SLCO2B1: variants seen among roughly 807,000 people sequenced by gnomAD.
The protein encoded by SLCO2B1 is OATP-RP2.
In SLCO2B1, 41 loss-of-function variants were observed where a neutral mutation model predicts 67.3. The ratio of observed to expected loss-of-function variants is 0.61; its 90% confidence interval spans 0.47 to 0.79. The LOEUF is 0.79. SLCO2B1 is among the 30% of genes least tolerant of loss of function. SLCO2B1 has a pLI of 0.00. For missense variants in SLCO2B1, 837 were observed against 920.1 expected (o/e 0.91, Z 1.17); for synonymous variants, 379 against 381.4 (o/e 0.99, Z 0.07).
intron 7 of SLCO2B1, among the ~76,000 whole-genome samples, chr11:75,175,358 G>A (rs1950011002): frequency 1.3e-5 from 2 of 152,056 alleles, no homozygotes; most frequent in Admixed American, 1.3e-4. Flanking sequence ...GCCCAATGAG[G>A]CTGAATTGGC....
chr11:75,193,686 C>T lies in SLCO2B1; in HGVS notation c.1433+111C>T, dbSNP rs1242015695. On this transcript the variant is annotated intron_variant, in intron 9 of 13. Coordinates refer to ENST00000289575, the MANE Select transcript of SLCO2B1 (RefSeq NM_007256.5). This position sits in a 1 kb window ranked among gnomAD's most constrained non-coding sequence, Gnocchi z 4.2. The stretch of plus-strand genomic sequence containing the variant: ...GGGCAACCCCTGCCTCAAATCTTGC[C>T]TCCCCAGTTCTGCTTAACAGCCCTT... 56 of 947,846 alleles carry T rather than the reference C, an allele frequency of 5.9e-5. No individual in the cohort carries two copies. The highest frequency in any genetic ancestry group is 8.0e-5 in the Non-Finnish European group (52 of 649,060). The allele number at this position is 947,846 out of a possible 1,614,324, so 58.7% of individuals were successfully genotyped here. A position where few individuals can be genotyped will look rare whatever the true frequency, so the allele number is the denominator to read the frequency against.
intron 8 of SLCO2B1, among the ~76,000 whole-genome samples, chr11:75,192,248 A>T (rs961079686): frequency 2.0e-5 from 3 of 152,202 alleles, no homozygotes; most frequent in African/African-American, 7.2e-5. Context: ...CCATATATCC[A>T]TTCATTCCTT....
intron 13 of SLCO2B1, 142 bp from the exon 14 acceptor site, chr11:75,204,258 C>G (rs1945234817): frequency 4.7e-6 from 4 of 848,858 alleles, no homozygotes; most frequent in Non-Finnish European, 7.2e-6. Flanking sequence ...AGCCTCTCCC[C>G]CTCCTCCAGG....
chr11:75,200,601 T>C (rs557308431), intron 11 of SLCO2B1: 148 of 495,446 alleles, frequency 3.0e-4, no homozygotes, highest in Non-Finnish European at 4.8e-4. Flanking sequence ...TCAGAGAAGT[T>C]CAGGAGCTGG....
chr11:75,153,884 C>T (rs1019505966), intron 1 of SLCO2B1, among the ~76,000 whole-genome samples: 1 of 151,322 alleles, frequency 6.6e-6, no homozygotes, highest in Non-Finnish European at 1.5e-5. Flanking sequence ...GAATCTGTGT[C>T]CTGGGAACAT....
intron 6 of SLCO2B1, among the ~76,000 whole-genome samples, chr11:75,171,070 A>G (rs770265825): frequency 1.3e-5 from 2 of 152,172 alleles, no homozygotes; most frequent in African/African-American, 2.4e-5. Flanking sequence ...CCAGCCTGAC[A>G]TGGAGGCAGG....
chr11:75,176,243 C>T (rs958528142), intron 7 of SLCO2B1, among the ~76,000 whole-genome samples: 18 of 152,162 alleles, frequency 1.2e-4, no homozygotes, highest in African/African-American at 4.3e-4. Context: ...GCCAGCAACT[C>T]TCCTGGGCCC....
In SLCO2B1 at chr11:75,206,432, C is replaced by T. The variant is rs1343208952; in HGVS notation, c.*1852C>T. 1 of 152,060 alleles carries T rather than the reference C, an allele frequency of 6.6e-6. No individual in the cohort carries two copies. The highest frequency in any genetic ancestry group is 1.5e-5 in the Non-Finnish European group (1 of 68,032). The allele number at this position is 152,060 out of a possible 1,614,324, so 9.4% of individuals were successfully genotyped here. ...GGTCTAATTTTTGTTTGAGTGTCTT[C>T]GTCTACTAATGGTTTCAAAAATGGA... On this transcript the variant is annotated 3_prime_UTR_variant, in exon 14 of 14. Coordinates refer to ENST00000289575, the MANE Select transcript of SLCO2B1 (RefSeq NM_007256.5).
In SLCO2B1 at chr11:75,196,569, T is replaced by C. The variant is rs745995893; in HGVS notation, c.1489T>C (p.Leu497=). Reference sequence around the variant, plus strand: ...CTGCATGGAGGCCTGCTCCTGCCCATTGGACGGCTTTAACCCTGTCTGCGA... The same window carrying C: ...CTGCATGGAGGCCTGCTCCTGCCCACTGGACGGCTTTAACCCTGTCTGCGA... ...PSCMEACSCP[L]DGFNPVCDPS... is the part of the protein sequence containing the mutation. The change falls in exon 10 of 14, where the codon TTG becomes CTG. Residue 497 remains leucine (L), a synonymous_variant. Transcript: ENST00000289575. The C allele has an allele frequency of 1.2e-6, 2 of 1,614,090 alleles. No homozygotes were observed. The highest frequency in any genetic ancestry group is 1.1e-5 in the South Asian group (1 of 91,088).
At position 75,164,083 on chromosome 11, in the gene SLCO2B1, C is replaced by G. The variant is rs757591216; in HGVS notation, c.268C>G (p.Leu90Val). 6.2e-7 allele frequency: 1 copy of G among 1,608,190 alleles called. No individual in the cohort carries two copies. The highest frequency in any genetic ancestry group is 8.5e-7 in the Non-Finnish European group (1 of 1,177,674). The change falls in exon 3 of 14, where the codon CTG becomes GTG. Residue 90 changes from leucine (L) to valine (V), a missense_variant. By Grantham distance (32) the Leu-to-Val change is conservative (BLOSUM62 1). Coordinates refer to ENST00000289575, the MANE Select transcript of SLCO2B1 (RefSeq NM_007256.5). ...FGLSSQTSGL[L>V]ASFNEVGNTA... The stretch of plus-strand genomic sequence containing the variant: ...CCTCTCCAGCCAGACGTCGGGGCTG[C>G]TGGCCTCCTTCAACGAGGTACAGGC...
chr11:75,190,681 C>T lies in SLCO2B1; in HGVS notation c.1075+2443C>T, dbSNP rs544808067. ...AACTAGAGGAGGTTCCTGGGGGAGACATTGCCCTTGAGTTAAGGGAAGCCC... is the reference window on the plus strand; with the variant it reads ...AACTAGAGGAGGTTCCTGGGGGAGATATTGCCCTTGAGTTAAGGGAAGCCC... On this transcript the variant is annotated intron_variant, in intron 8 of 13. Transcript: ENST00000289575. Among the ~76,000 whole-genome samples the T allele has an allele frequency of 8.3e-4, 126 of 152,274 alleles. No individual in the cohort carries two copies. The Middle Eastern group carries it at 0.01, about 12-fold the overall frequency.
intron 4 of SLCO2B1, 146 bp downstream of exon 4, chr11:75,166,095 C>A: frequency 2.0e-6 from 2 of 991,114 alleles, no homozygotes; most frequent in African/African-American, 1.6e-5. Context: ...CCCAACCTGG[C>A]TCCCCAGGCC....
At chr11:75,184,540 C>T (rs1159886212) in intron 7 of SLCO2B1, among the ~76,000 whole-genome samples, 1 of 152,196 alleles carries the variant, frequency 6.6e-6, no homozygotes, top group African/African-American at 2.4e-5. Flanking sequence ...GGAGGCCCCC[C>T]CAGCAGACAT....
rs1228926707 is a variant in SLCO2B1 at position 75,193,603 on chromosome 11, C to T, written c.1433+28C>T. On this transcript the variant is annotated intron_variant, in intron 9 of 13. Coordinates refer to ENST00000289575, the MANE Select transcript of SLCO2B1 (RefSeq NM_007256.5). This position sits in a 1 kb window ranked among gnomAD's most constrained non-coding sequence, Gnocchi z 4.2. ...GAGTGTGTGCGTGGGCACGTAAAGG[C>T]AAGCCTGGGAGGACAGGACAGGGAG... is the stretch of plus-strand genomic sequence containing the variant. 2 of 1,510,698 alleles carry T rather than the reference C, an allele frequency of 1.3e-6. No individual in the cohort carries two copies. Among genetic ancestry groups the T allele is most frequent in the Non-Finnish European group, 1.8e-6 (2 of 1,130,120 alleles). 93.6% of individuals were successfully genotyped at this position (1,510,698 alleles called of 1,614,324 possible). A position where few individuals can be genotyped will look rare whatever the true frequency, so the allele number is the denominator to read the frequency against.
In SLCO2B1 at chr11:75,151,409, C is replaced by A. The variant is rs553605309; in HGVS notation, c.16+12C>A. 111 of 1,613,518 alleles carry A rather than the reference C, an allele frequency of 6.9e-5. No homozygotes were observed. The highest frequency in any genetic ancestry group is 9.2e-5 in the Non-Finnish European group (108 of 1,179,850). ...GGGACCCAGGATAGGTAAGTCCGAA[C>A]AAATTAAGGAAGGGCCATGGAGAGC... On this transcript the variant is annotated intron_variant, in intron 1 of 13. Transcript: ENST00000289575.
At chr11:75,174,405 C>T (rs2140318250) in intron 7 of SLCO2B1, among the ~76,000 whole-genome samples, 1 of 152,192 alleles carries the variant, frequency 6.6e-6, no homozygotes, top group South Asian at 2.1e-4. Flanking sequence ...AATGAGACAG[C>T]TCTGATGGTG....
chr11:75,192,721 T>C (rs934677518), intron 8 of SLCO2B1, among the ~76,000 whole-genome samples: 2 of 151,944 alleles, frequency 1.3e-5, no homozygotes, highest in Non-Finnish European at 2.9e-5. Context: ...TCTAACTCAG[T>C]GGAACAAAAT....
At chr11:75,176,897 T>C (rs750734297) in intron 7 of SLCO2B1, among the ~76,000 whole-genome samples, 1 of 152,084 alleles carries the variant, frequency 6.6e-6, no homozygotes, top group East Asian at 1.9e-4. Flanking sequence ...GATTGGCCCA[T>C]AGAGGGTTAA....
chr11:75,168,867 G>A (rs1404092411), intron 4 of SLCO2B1, among the ~76,000 whole-genome samples: 1 of 152,168 alleles, frequency 6.6e-6, no homozygotes, highest in Non-Finnish European at 1.5e-5. Flanking sequence ...CCCACCCAGG[G>A]GCCACCGTTG....
Sources: allele counts gnomAD v4.1 joint callset (sites outside exome capture counted in the v4.1 genomes callset), GRCh38; gene constraint gnomAD v4.1.1; non-coding constraint Gnocchi (gnomAD v3.1); transcripts MANE v1.5; gene names NCBI Gene and HGNC (gene_info 2026-07-23, HGNC 2026-07-21).